TMEM177: variants seen among roughly 807,000 people sequenced by gnomAD.
The protein encoded by TMEM177 is transmembrane protein 177.
TMEM177 carries 4 observed loss-of-function variants against 14.2 expected under a neutral mutation model. That is an observed-to-expected ratio of 0.28 (90% CI 0.14 to 0.64). The LOEUF is 0.64. Among genes scored for constraint, TMEM177 ranks in the 30% least tolerant of loss-of-function variants. The pLI is 0.82. For synonymous variants in TMEM177, 179 were observed against 174.5 expected (o/e 1.03, Z -0.20); for missense variants, 344 against 405.2 (o/e 0.85, Z 1.30).
the TMEM177 span, among the ~76,000 whole-genome samples, chr2:119,713,550 C>T: frequency 2.6e-5 from 4 of 152,164 alleles, no homozygotes; most frequent in Non-Finnish European, 4.4e-5. Flanking sequence ...AAAAACTGTG[C>T]ACCATCTGGC....
the TMEM177 span, among the ~76,000 whole-genome samples, chr2:119,691,912 G>T: frequency 6.6e-6 from 1 of 152,198 alleles, no homozygotes; most frequent in Non-Finnish European, 1.5e-5. Flanking sequence ...CCGGAGCCAC[G>T]TGCCCACGTC....
At chr2:119,720,774 T>G in the TMEM177 span, among the ~76,000 whole-genome samples, 1 of 152,238 alleles carries the variant, frequency 6.6e-6, no homozygotes, top group Non-Finnish European at 1.5e-5. Flanking sequence ...TTAAGTTATT[T>G]TTTGTTGGGT....
the TMEM177 span, among the ~76,000 whole-genome samples, chr2:119,695,649 A>G: frequency 3.3e-5 from 5 of 152,232 alleles, no homozygotes; most frequent in Non-Finnish European, 5.9e-5. Context: ...CGCTATGTAC[A>G]AGCCACAGCG....
intron 1 of TMEM177, among the ~76,000 whole-genome samples, chr2:119,680,037 G>T (rs900109702): frequency 2.0e-5 from 3 of 152,174 alleles, no homozygotes; most frequent in Non-Finnish European, 4.4e-5. Flanking sequence ...GTAGGTGGTA[G>T]CCTTTTCCCT....
chr2:119,682,566 AGGAGACCAGCACGTGCCAG>A (rs1256007530), downstream of TMEM177, among the ~76,000 whole-genome samples: 23 of 152,180 alleles, frequency 1.5e-4, no homozygotes, highest in African/African-American at 5.5e-4. Context: ...CTCAGGGAGA[AGGAGACCAGCACGTGCCAG>A]GAGAGTCCCT....
At chr2:119,682,513 A>G (rs1688932072), downstream of TMEM177, among the ~76,000 whole-genome samples, 1 of 152,144 alleles carries the variant, frequency 6.6e-6, no homozygotes, top group African/African-American at 2.4e-5. Flanking sequence ...GGGGGCCTTA[A>G]GAGTGTTGTG....
chr2:119,722,249 C>A, the TMEM177 span, among the ~76,000 whole-genome samples: 10 of 152,098 alleles, frequency 6.6e-5, no homozygotes, highest in African/African-American at 2.4e-4. Flanking sequence ...AGTATAGTGG[C>A]ACACACCAGT....
In TMEM177 at chr2:119,681,338, A is replaced by C. The variant is rs1430050132; in HGVS notation, c.485A>C (p.Glu162Ala). 1 of 1,614,200 alleles carries C rather than the reference A, an allele frequency of 6.2e-7. No individual in the cohort carries two copies. The highest frequency in any genetic ancestry group is 2.2e-5 in the East Asian group (1 of 44,882). Reference protein sequence around the residue: ...FALAREVVYLESSTTAVHALL... With the variant: ...FALAREVVYLASSTTAVHALL... Reference sequence around the variant, plus strand: ...TTGGCCAGGGAAGTGGTGTACCTGGAAAGCAGTACCACTGCCGTGCACGCC... The same window carrying C: ...TTGGCCAGGGAAGTGGTGTACCTGGCAAGCAGTACCACTGCCGTGCACGCC... The change falls in exon 2 of 2, where the codon GAA becomes GCA. Residue 162 changes from glutamate to alanine, a missense_variant. Glu to Ala is a moderately radical substitution (Grantham distance 107, BLOSUM62 -1). Transcript: ENST00000272521.
the TMEM177 span, among the ~76,000 whole-genome samples, chr2:119,722,472 A>G: frequency 6.6e-6 from 1 of 152,180 alleles, no homozygotes; most frequent in East Asian, 1.9e-4. Flanking sequence ...GTCTAGCACC[A>G]TATATAAGAG....
chr2:119,711,857 G>A, the TMEM177 span, among the ~76,000 whole-genome samples: 1 of 152,262 alleles, frequency 6.6e-6, no homozygotes, highest in East Asian at 1.9e-4. Context: ...GGGTGGGAAA[G>A]GAGCAAGTTA....
chr2:119,680,694 C>G, intron 1 of TMEM177, 138 bp from the exon 2 acceptor site: 1 of 657,838 alleles, frequency 1.5e-6, no homozygotes, highest in Non-Finnish European at 2.6e-6. Flanking sequence ...TGAACACAGG[C>G]ACTCTGGCTC....
chr2:119,706,467 T>C, the TMEM177 span, among the ~76,000 whole-genome samples: 7 of 152,318 alleles, frequency 4.6e-5, no homozygotes, highest in Admixed American at 3.9e-4. Context: ...TGTCAGCATA[T>C]ATTTCCTTTG....
the TMEM177 span, among the ~76,000 whole-genome samples, chr2:119,697,674 T>C: frequency 1.2e-4 from 18 of 152,146 alleles, no homozygotes; most frequent in African/African-American, 4.1e-4. Context: ...ACCCCTCCCC[T>C]CTGTCTGTGC....
At chr2:119,718,732 G>T in the TMEM177 span, among the ~76,000 whole-genome samples, 1 of 152,170 alleles carries the variant, frequency 6.6e-6, no homozygotes, top group Non-Finnish European at 1.5e-5. Flanking sequence ...AAGAGAGGAA[G>T]AGCGGCAGAA....
chr2:119,680,151 A>G (rs997401919), intron 1 of TMEM177, among the ~76,000 whole-genome samples: 11 of 152,134 alleles, frequency 7.2e-5, no homozygotes, highest in Non-Finnish European at 1.5e-4. Context: ...GCCTCATTTT[A>G]TCTTAATTAT....
chr2:119,705,154 C>A, the TMEM177 span, among the ~76,000 whole-genome samples: 1 of 152,222 alleles, frequency 6.6e-6, no homozygotes, highest in Non-Finnish European at 1.5e-5. Context: ...CTTTTCAAAG[C>A]CTTCTTGTAC....
downstream of TMEM177, among the ~76,000 whole-genome samples, chr2:119,685,075 C>T (rs536544032): frequency 7.9e-5 from 12 of 152,286 alleles, 1 homozygote; most frequent in South Asian, 2.5e-3. Context: ...GGCCTCGCCT[C>T]TCCCCATCCC....
chr2:119,717,622 T>TTG, the TMEM177 span, among the ~76,000 whole-genome samples: 1 of 148,850 alleles, frequency 6.7e-6, no homozygotes, highest in African/African-American at 2.5e-5. Context: ...TTTTTTTTTT[T>TTG]TTTTGAGACA....
chr2:119,696,006 G>A, the TMEM177 span, among the ~76,000 whole-genome samples: 3 of 152,344 alleles, frequency 2.0e-5, no homozygotes, highest in Admixed American at 2.0e-4. Flanking sequence ...CAAAAGGTGT[G>A]CAGCTGCCCT....
Sources: gnomAD v4.1 joint callset for allele counts (sites outside exome capture counted in the v4.1 genomes callset) on GRCh38, gnomAD v4.1.1 for gene constraint, MANE v1.5 for transcripts, NCBI Gene and HGNC (gene_info 2026-07-23, HGNC 2026-07-21) for gene names.